MBD5: variants seen among roughly 807,000 people sequenced by gnomAD.
MBD5 encodes the protein methyl-CpG-binding domain protein 5.
Under a neutral mutation model 117.3 loss-of-function variants are expected in MBD5, and 13 were observed. The observed-to-expected ratio is 0.11, with a 90% CI of 0.07 to 0.18. The LOEUF (loss-of-function observed/expected upper bound fraction) is 0.18, where lower values mean the gene tolerates loss of function less well. MBD5 is among the 10% of genes least tolerant of loss of function. The probability of loss-of-function intolerance (pLI) is 1.00; values close to 1 mark genes in which losing one functional copy is unlikely to be tolerated. For synonymous variants in MBD5, 727 were observed against 766.4 expected (o/e 0.95, Z 0.85); for missense variants, 1,879 against 2,093.8 (o/e 0.90, Z 2.00).
chr2:148,447,141 G>GAA (rs1486529356), intron 4 of MBD5, among the ~76,000 whole-genome samples: 1 of 122,910 alleles, frequency 8.1e-6, no homozygotes, highest in African/African-American at 3.0e-5. Flanking sequence ...AAGAGAGAGA[G>GAA]AGAAAGAAAG....
chr2:148,131,145 A>T (rs559572637), intron 1 of MBD5, among the ~76,000 whole-genome samples: 4 of 152,238 alleles, frequency 2.6e-5, no homozygotes, highest in Admixed American at 1.3e-4. Flanking sequence ...ATTCTAAGAT[A>T]GAAATTAATG....
chr2:148,236,507 A>G (rs1700095139), intron 3 of MBD5, among the ~76,000 whole-genome samples: 1 of 152,188 alleles, frequency 6.6e-6, no homozygotes, highest in Non-Finnish European at 1.5e-5. Flanking sequence ...TAGGTATACT[A>G]TAAGTGAGTA....
At chr2:148,241,555 A>G (rs1054223268) in intron 3 of MBD5, among the ~76,000 whole-genome samples, 2 of 152,118 alleles carry the variant, frequency 1.3e-5, no homozygotes, top group Non-Finnish European at 2.9e-5. Context: ...CGGAATCAAT[A>G]TACAAATATT....
chr2:148,236,430 G>C (rs1700093397), intron 3 of MBD5, among the ~76,000 whole-genome samples: 1 of 152,152 alleles, frequency 6.6e-6, no homozygotes, highest in African/African-American at 2.4e-5. Flanking sequence ...CAGAAGGAAT[G>C]TTATGTTGAC....
chr2:148,428,335 G>A (rs540616601), intron 4 of MBD5, among the ~76,000 whole-genome samples: 1 of 152,206 alleles, frequency 6.6e-6, no homozygotes, highest in African/African-American at 2.4e-5. Context: ...ACTGCTCAAG[G>A]AAATAAGAGA....
At position 148,442,637 on chromosome 2, in the gene MBD5, A is replaced by T. The variant is rs893037268; in HGVS notation, c.-556-15566A>T. On this transcript the variant is annotated intron_variant, in intron 4 of 13. Coordinates refer to ENST00000642680, the MANE Select transcript of MBD5 (RefSeq NM_001378120.1). Reference sequence around the variant, plus strand: ...TTTCCACAACTCTAGAACAGAAAAAATAAAAGTATATGCCTTATATGATTG... The same window carrying T: ...TTTCCACAACTCTAGAACAGAAAAATTAAAAGTATATGCCTTATATGATTG... Among the ~76,000 whole-genome samples the T allele has an allele frequency of 8.6e-5, 13 of 151,394 alleles. 1 individual carries two copies. The highest frequency in any genetic ancestry group is 3.2e-4 in the African/African-American group (13 of 40,726).
At chr2:148,189,102 T>A (rs1272270899) in intron 2 of MBD5, among the ~76,000 whole-genome samples, 54 of 141,222 alleles carry the variant, frequency 3.8e-4, no homozygotes, top group African/African-American at 1.4e-3. Context: ...GCTCAGAGGG[T>A]CCTACGCCCA....
At chr2:148,077,920 T>A (rs919860054) in intron 1 of MBD5, among the ~76,000 whole-genome samples, 4 of 152,120 alleles carry the variant, frequency 2.6e-5, no homozygotes, top group Non-Finnish European at 4.4e-5. Context: ...CTCGATAGAT[T>A]AAAGAAGTCT....
intron 1 of MBD5, among the ~76,000 whole-genome samples, chr2:148,103,798 G>T (rs1234807772): frequency 6.6e-6 from 1 of 151,986 alleles, no homozygotes; most frequent in Admixed American, 6.6e-5. Context: ...ATTAAATAAA[G>T]GTATCTGTGC....
intron 13 of MBD5, 72 bp downstream of exon 13, chr2:148,510,207 C>G (rs1682176357): frequency 8.7e-7 from 1 of 1,146,514 alleles, no homozygotes; most frequent in Non-Finnish European, 1.3e-6. Flanking sequence ...TTGGTAAAGT[C>G]TCTTGAGTAT....
intron 3 of MBD5, among the ~76,000 whole-genome samples, chr2:148,308,066 A>T (rs990104388): frequency 6.6e-6 from 1 of 152,144 alleles, no homozygotes; most frequent in African/African-American, 2.4e-5. Context: ...GTTGGTTCCA[A>T]GTCTTTGCTA....
chr2:148,503,788 A>C (rs879581204), intron 12 of MBD5, among the ~76,000 whole-genome samples: 3 of 152,216 alleles, frequency 2.0e-5, no homozygotes, highest in Non-Finnish European at 2.9e-5. Context: ...AGAGCTTAGC[A>C]ACAAGATAAG....
At chr2:148,389,114 T>C (rs1436966224) in intron 4 of MBD5, among the ~76,000 whole-genome samples, 2 of 150,364 alleles carry the variant, frequency 1.3e-5, no homozygotes, top group Non-Finnish European at 3.0e-5. Flanking sequence ...CATAGGATAA[T>C]GGCCTCCTGC....
At chr2:148,131,500 C>T (rs895527820) in intron 1 of MBD5, among the ~76,000 whole-genome samples, 5 of 152,058 alleles carry the variant, frequency 3.3e-5, no homozygotes, top group African/African-American at 1.2e-4. Context: ...TCAAGTCCAG[C>T]CTGGGCAACA....
chr2:148,306,451 A>G (rs1701895194), intron 3 of MBD5, among the ~76,000 whole-genome samples: 1 of 152,204 alleles, frequency 6.6e-6, no homozygotes, highest in East Asian at 1.9e-4. Context: ...ATAAAAACAT[A>G]TTTTATTGAA....
intron 12 of MBD5, among the ~76,000 whole-genome samples, chr2:148,509,352 C>T (rs144862918): frequency 2.0e-5 from 3 of 152,138 alleles, no homozygotes; most frequent in African/African-American, 4.8e-5. Context: ...TCAAAAATGG[C>T]AGATGCACCG....
Position 148,445,715 on chromosome 2 carries a change from G to A in MBD5, c.-556-12488G>A, listed in dbSNP as rs575125790. Among the ~76,000 whole-genome samples, 46 of 151,324 alleles carry A rather than the reference G, an allele frequency of 3.0e-4. 1 individual carries two copies. The South Asian group carries it at 5.2e-3, about 17-fold the overall frequency. ...TAGATCCTTGAGGAATCGCCACACC[G>A]ACTTCCACAATGGTTGAACTAGTTT... On this transcript the variant is annotated intron_variant, in intron 4 of 13. Transcript: ENST00000642680.
intron 4 of MBD5, among the ~76,000 whole-genome samples, chr2:148,385,658 C>A (rs898277769): frequency 2.6e-5 from 4 of 151,856 alleles, no homozygotes; most frequent in Non-Finnish European, 5.9e-5. Context: ...GACACATGCA[C>A]ACGTATGTTT....
At chr2:148,206,415 A>G (rs1487286174) in intron 2 of MBD5, among the ~76,000 whole-genome samples, 1 of 152,170 alleles carries the variant, frequency 6.6e-6, no homozygotes, top group Non-Finnish European at 1.5e-5. Flanking sequence ...ATAATGATCA[A>G]ATCAGGGTAA....
Sources: allele counts gnomAD v4.1 joint callset (sites outside exome capture counted in the v4.1 genomes callset), GRCh38; gene constraint gnomAD v4.1.1; transcripts MANE v1.5; gene names NCBI Gene and HGNC (gene_info 2026-07-23, HGNC 2026-07-21).